WDR20: variants seen among roughly 807,000 people sequenced by gnomAD.
The protein encoded by WDR20 is WD repeat-containing protein 20.
In WDR20, 3 loss-of-function variants were observed where a neutral mutation model predicts 38.7. The ratio of observed to expected loss-of-function variants is 0.08; its 90% CI spans 0.04 to 0.20. WDR20 has a LOEUF of 0.20. WDR20 is among the 10% of genes least tolerant of loss of function. The pLI is 1.00. For synonymous variants in WDR20, 298 were observed against 285.6 expected, an observed-to-expected ratio of 1.04 and a Z score of -0.44; for missense variants, 559 against 727.7, an observed-to-expected ratio of 0.77 and a Z score of 2.67.
intron 1 of WDR20, among the ~76,000 whole-genome samples, chr14:102,141,289 C>T (rs1165979256): frequency 6.6e-6 from 1 of 152,150 alleles, no homozygotes; most frequent in Non-Finnish European, 1.5e-5. Flanking sequence ...AGTGAACATT[C>T]TTCAGGATTT....
chr14:102,146,723 T>C (rs1490639358), intron 1 of WDR20, among the ~76,000 whole-genome samples: 2 of 152,084 alleles, frequency 1.3e-5, no homozygotes, highest in Non-Finnish European at 2.9e-5. Flanking sequence ...TAAAAAAAAT[T>C]TCCCCCCCAC....
chr14:102,224,412 C>T (rs1039512601), downstream of WDR20: 2 of 371,884 alleles, frequency 5.4e-6, no homozygotes, highest in African/African-American at 4.2e-5. Context: ...CACACCTGCT[C>T]AGCGAGTTAC....
downstream of WDR20, chr14:102,212,750 A>G: frequency 2.9e-6 from 4 of 1,382,422 alleles, 1 homozygote. Flanking sequence ...GCGTGCTGCT[A>G]ACCCTAGGAG....
At chr14:102,150,488 A>G (rs2055407737) in intron 1 of WDR20, among the ~76,000 whole-genome samples, 1 of 152,148 alleles carries the variant, frequency 6.6e-6, no homozygotes, top group Non-Finnish European at 1.5e-5. Context: ...AGTAAGAATA[A>G]TTCAGTAAGA....
chr14:102,161,899 C>G (rs2058829176), intron 1 of WDR20, among the ~76,000 whole-genome samples: 1 of 152,132 alleles, frequency 6.6e-6, no homozygotes, highest in Admixed American at 6.5e-5. Flanking sequence ...AAGCCTTTAC[C>G]AAACCTCCTT....
At position 102,209,996 on chromosome 14, in the gene WDR20, A is replaced by G. The variant is rs2062236839; in HGVS notation, c.*116A>G. ...TTATTCTTAATGTAAATCTCAATGC[A>G]TCAGAGCCATAATTTTGGATACTGC... is the stretch of plus-strand genomic sequence containing the variant. On this transcript the variant is annotated 3_prime_UTR_variant, in exon 3 of 3. Transcript: ENST00000342702. The surrounding 1 kb of genome is among the most constrained non-coding windows in gnomAD (Gnocchi z 6.0). 2.0e-6 allele frequency: 3 copies of G among 1,465,514 alleles called. No homozygotes were observed. Among genetic ancestry groups the G allele is most frequent in the Admixed American group, 2.6e-5 (1 of 38,500 alleles). 90.8% of individuals were successfully genotyped at this position (1,465,514 alleles called of 1,614,324 possible). A position where few individuals can be genotyped will look rare whatever the true frequency, so the allele number is the denominator to read the frequency against.
chr14:102,172,301 C>CG (rs2061005457), intron 1 of WDR20, among the ~76,000 whole-genome samples: 1 of 150,760 alleles, frequency 6.6e-6, no homozygotes, highest in Non-Finnish European at 1.5e-5. Context: ...TCTCCCATGT[C>CG]TGCTTCTTTC....
intron 1 of WDR20, among the ~76,000 whole-genome samples, chr14:102,190,057 G>A (rs114903021): frequency 3.4e-4 from 52 of 152,270 alleles, no homozygotes; most frequent in African/African-American, 1.2e-3. Flanking sequence ...TGTCTGCTCT[G>A]GCCATTGCTT....
chr14:102,193,710 A>G (rs941794672), intron 1 of WDR20, among the ~76,000 whole-genome samples: 5 of 152,214 alleles, frequency 3.3e-5, no homozygotes, highest in Non-Finnish European at 7.3e-5. Flanking sequence ...ACATTAGAAT[A>G]CTTGGTTCGA....
At chr14:102,142,151 AC>A (rs1231077333) in intron 1 of WDR20, among the ~76,000 whole-genome samples, 2 of 152,214 alleles carry the variant, frequency 1.3e-5, no homozygotes, top group Non-Finnish European at 2.9e-5. Context: ...AATTGCCCTT[AC>A]CTGCATAATT....
chr14:102,171,284 G>T (rs1172958407), intron 1 of WDR20: 3 of 133,984 alleles, frequency 2.2e-5, no homozygotes. Context: ...TTTTTTAGGA[G>T]ACAGGGTCTT....
At chr14:102,165,616 GTTTCTT>G (rs2059590905) in intron 1 of WDR20, among the ~76,000 whole-genome samples, 1 of 144,092 alleles carries the variant, frequency 6.9e-6, no homozygotes, top group Non-Finnish European at 1.5e-5. Flanking sequence ...CTAATTTTTT[GTTTCTT>G]TTTCTTTTCT....
chr14:102,139,798 T>A (rs1401314193), upstream of WDR20: 1 of 1,418,822 alleles, frequency 7.0e-7, no homozygotes, highest in East Asian at 2.3e-5. Flanking sequence ...CTCGCAGGGC[T>A]GGCCCGCGGG....
At chr14:102,210,573 G>A (rs1179729704), downstream of WDR20, 4 of 984,562 alleles carry the variant, frequency 4.1e-6, no homozygotes, top group Non-Finnish European at 3.6e-6. Flanking sequence ...TAAGATACCC[G>A]TACCTCACTC....
downstream of WDR20, chr14:102,224,748 C>CA: frequency 2.2e-6 from 1 of 456,058 alleles, no homozygotes; most frequent in South Asian, 1.5e-5. Context: ...TCGAAGGCGC[C>CA]AGCAGGGACT....
At chr14:102,140,342 A>T in intron 1 of WDR20, 170 bp downstream of exon 1, 13 of 1,031,278 alleles carry the variant, frequency 1.3e-5, no homozygotes, top group Middle Eastern at 3.7e-4. Flanking sequence ...AGGAGTAAGG[A>T]GGGTGGTGGC....
At chr14:102,206,887 A>T (rs1259599668) in intron 2 of WDR20, among the ~76,000 whole-genome samples, 1 of 151,948 alleles carries the variant, frequency 6.6e-6, no homozygotes, top group Non-Finnish European at 1.5e-5. Context: ...TCCACCATCA[A>T]AAAAAAGCCC....
chr14:102,141,531 C>T (rs34626502), intron 1 of WDR20, among the ~76,000 whole-genome samples: 11,271 of 151,838 alleles, frequency 0.074, 874 homozygotes, highest in African/African-American at 0.19. Context: ...TCGAAGTAGT[C>T]TTCAGTCTAG....
chr14:102,151,940 C>T (rs962067998), intron 1 of WDR20, among the ~76,000 whole-genome samples: 10 of 150,940 alleles, frequency 6.6e-5, no homozygotes, highest in Non-Finnish European at 1.5e-5. Context: ...TTTTTGGACA[C>T]AGGGTCGGTC....
Sources: gnomAD v4.1 joint callset for allele counts (sites outside exome capture counted in the v4.1 genomes callset) on GRCh38, gnomAD v4.1.1 for gene constraint, Gnocchi (gnomAD v3.1) non-coding constraint, MANE v1.5 for transcripts, NCBI Gene and HGNC (gene_info 2026-07-23, HGNC 2026-07-21) for gene names.